NFKB2: variants seen among roughly 807,000 people sequenced by gnomAD.
NFKB2 encodes the protein nuclear factor NF-kappa-B p100 subunit.
NFKB2 carries 21 observed loss-of-function variants against 109.3 expected under a neutral mutation model. That is an observed-to-expected ratio of 0.19 (90% CI 0.14 to 0.28). NFKB2 has a LOEUF of 0.28. Ranked by LOEUF, NFKB2 falls within the 10% of genes least tolerant of loss-of-function variation. The pLI is 1.00. For missense variants in NFKB2, 806 were observed against 1,185.3 expected, an observed-to-expected ratio of 0.68 and a Z score of 4.70; for synonymous variants, 478 against 489.9, an observed-to-expected ratio of 0.98 and a Z score of 0.32.
In NFKB2 at chr10:102,396,417, ATCGTGGC is replaced by A; in HGVS notation, c.104-29_104-23del. 1 of 1,614,066 alleles carries A rather than the reference ATCGTGGC, an allele frequency of 6.2e-7. No homozygotes were observed. The highest frequency in any genetic ancestry group is 8.5e-7 in the Non-Finnish European group (1 of 1,179,992). On this transcript the variant is annotated intron_variant, in intron 3 of 22. Coordinates refer to ENST00000661543, the MANE Select transcript of NFKB2 (RefSeq NM_001322934.2). This position sits in a 1 kb window ranked among gnomAD's most constrained non-coding sequence, Gnocchi z 5.9. Reference sequence around the variant, plus strand: ...CTCTCTCTGGGGGAGGGGCTGGGAGATCGTGGCTCAGCAAGGTCTCTCTGTCCCCAGC... The same window carrying A: ...CTCTCTCTGGGGGAGGGGCTGGGAGATCAGCAAGGTCTCTCTGTCCCCAGC...
chr10:102,395,792 A>C lies in NFKB2; in HGVS notation c.-77A>C. 1 of 668,786 alleles carries C rather than the reference A, an allele frequency of 1.5e-6. No homozygotes were observed. The highest frequency in any genetic ancestry group is 2.6e-6 in the Non-Finnish European group (1 of 389,110). 41.4% of individuals were successfully genotyped at this position (668,786 alleles called of 1,614,324 possible). ...CCGCCACACCCGGACAGGCGGCTGGAGGAGGTCGGACCCTCCCCCAAATCT... is the reference window on the plus strand; with the variant it reads ...CCGCCACACCCGGACAGGCGGCTGGCGGAGGTCGGACCCTCCCCCAAATCT... On this transcript the variant is annotated 5_prime_UTR_variant, in exon 1 of 23. Coordinates refer to ENST00000661543, the MANE Select transcript of NFKB2 (RefSeq NM_001322934.2).
rs757088566 is a variant in NFKB2 at position 102,400,310 on chromosome 10, G to A, written c.1617G>A (p.Gln539=). The change falls in exon 16 of 23, where the codon CAG becomes CAA. Residue 539 remains glutamine, a synonymous_variant. Coordinates refer to ENST00000661543, the MANE Select transcript of NFKB2 (RefSeq NM_001322934.2). This position sits in a 1 kb window ranked among gnomAD's most constrained non-coding sequence, Gnocchi z 6.3. ...TPLHLAVITG[Q]TSVVSFLLRV... Reference sequence around the variant, plus strand: ...TGCACCTGGCGGTGATCACGGGGCAGACGAGTGTGGTGAGCTTTCTGCTGC... The same window carrying A: ...TGCACCTGGCGGTGATCACGGGGCAAACGAGTGTGGTGAGCTTTCTGCTGC... 2.5e-6 allele frequency: 4 copies of A among 1,614,012 alleles called. No homozygotes were observed. In the South Asian group the frequency reaches 4.4e-5, roughly 18 times the overall value.
At chr10:102,399,995 C>T (rs1189425285) in intron 14 of NFKB2, 85 bp from the exon 15 acceptor site, 5 of 1,387,158 alleles carry the variant, frequency 3.6e-6, no homozygotes, top group South Asian at 1.2e-5. Context: ...TGGGCCCCAG[C>T]GAGGGAGACT....
In NFKB2 at chr10:102,401,065, AG is replaced by A. The variant is rs1207181524; in HGVS notation, c.2071+20del. 1 of 1,613,964 alleles carries A rather than the reference AG, an allele frequency of 6.2e-7. No individual in the cohort carries two copies. The stretch of plus-strand genomic sequence containing the variant: ...CTGAAGGCTGGTCAGTCTCACCCTC[AG>A]GGGCACTTGAACAGGGTGGGGGGAA... On this transcript the variant is annotated intron_variant, in intron 18 of 22. Coordinates refer to ENST00000661543, the MANE Select transcript of NFKB2 (RefSeq NM_001322934.2). This position sits in a 1 kb window ranked among gnomAD's most constrained non-coding sequence, Gnocchi z 4.2.
rs776988623 is a variant in NFKB2 at position 102,399,512 on chromosome 10, G to A, written c.1327+15G>A. On this transcript the variant is annotated intron_variant, in intron 13 of 22. Coordinates refer to ENST00000661543, the MANE Select transcript of NFKB2 (RefSeq NM_001322934.2). Reference sequence around the variant, plus strand: ...GCTGCAGCGAGGTATGGACTCCGGGGCACGGGCGGTCGGGGCGCCGGGGCT... The same window carrying A: ...GCTGCAGCGAGGTATGGACTCCGGGACACGGGCGGTCGGGGCGCCGGGGCT... The A allele has an allele frequency of 9.3e-6, 14 of 1,500,970 alleles. No individual in the cohort carries two copies. The South Asian group carries it at 1.5e-4, about 16-fold the overall frequency. 93.0% of individuals were successfully genotyped at this position (1,500,970 alleles called of 1,614,324 possible). A position where few individuals can be genotyped will look rare whatever the true frequency, so the allele number is the denominator to read the frequency against.
chr10:102,399,313 C>T lies in NFKB2; in HGVS notation c.1143C>T (p.Ser381=), dbSNP rs2061175943. 1 of 1,598,204 alleles carries T rather than the reference C, an allele frequency of 6.3e-7. No homozygotes were observed. The highest frequency in any genetic ancestry group is 8.5e-7 in the Non-Finnish European group (1 of 1,173,022). The change falls in exon 13 of 23, where the codon TCC becomes TCT. Residue 381 remains serine, a synonymous_variant. Transcript: ENST00000661543. The part of the protein sequence containing the change: ...GGGGSLGFFP[S]SLAYSPYQSG... ...GTGGCAGCCTCGGTTTCTTCCCCTC[C>T]TCCCTGGCCTACAGCCCCTACCAGT...
chr10:102,395,950 G>T lies in NFKB2; in HGVS notation c.-10G>T, dbSNP rs748741723. On this transcript the variant is annotated 5_prime_UTR_variant, in exon 2 of 23. Transcript: ENST00000661543. ...GAGCCACTAGACAGAGCCGGGCCTA[G>T]CCCAGAGACATGGAGAGTTGCTACA... 2.1e-5 allele frequency: 34 copies of T among 1,612,732 alleles called. No individual in the cohort carries two copies. Among genetic ancestry groups the T allele is most frequent in the Admixed American group, 1.3e-4 (8 of 60,004 alleles).
At position 102,398,963 on chromosome 10, in the gene NFKB2, A is replaced by G; in HGVS notation, c.1117+99A>G. Reference sequence around the variant, plus strand: ...GCGTGGTGGCTCACGCCTGTAATCCAGCCCTTTGGGAGGCCAAGGCAGGCA... The same window carrying G: ...GCGTGGTGGCTCACGCCTGTAATCCGGCCCTTTGGGAGGCCAAGGCAGGCA... On this transcript the variant is annotated intron_variant, in intron 12 of 22. Coordinates refer to ENST00000661543, the MANE Select transcript of NFKB2 (RefSeq NM_001322934.2). The surrounding 1 kb of genome is among the most constrained non-coding windows in gnomAD (Gnocchi z 6.6). 3 of 1,361,532 alleles carry G rather than the reference A, an allele frequency of 2.2e-6. No homozygotes were observed. Among genetic ancestry groups the G allele is most frequent in the Non-Finnish European group, 3.0e-6 (3 of 1,001,424 alleles). The allele number at this position is 1,361,532 out of a possible 1,614,324, so 84.3% of individuals were successfully genotyped here.
rs1281477332 is a variant in NFKB2 at position 102,399,621 on chromosome 10, G to A, written c.1372G>A (p.Ala458Thr). 2.6e-6 allele frequency: 4 copies of A among 1,545,864 alleles called. No individual in the cohort carries two copies. Among genetic ancestry groups the A allele is most frequent in the African/African-American group, 1.4e-5 (1 of 72,754 alleles). The change falls in exon 14 of 23, where the codon GCC becomes ACC. Residue 458 changes from alanine to threonine, a missense_variant. Ala to Thr is a moderately conservative substitution (Grantham distance 58, BLOSUM62 0). Around this residue, in one of 10 missense-constraint regions of NFKB2, gnomAD observed 209 missense variants for 211.9 expected, o/e 0.99. Coordinates refer to ENST00000661543, the MANE Select transcript of NFKB2 (RefSeq NM_001322934.2). ...CCTGTTCGGCCTGGCGCAGCGCAGC[G>A]CCCGAGCCCTACTCGACTACGGCGT... ...ARLFGLAQRS[A>T]RALLDYGVTA... is the part of the protein sequence containing the mutation.
At position 102,401,655 on chromosome 10, in the gene NFKB2, C is replaced by CT. The variant is rs1451756553; in HGVS notation, c.2294-88dup. 6.5e-7 allele frequency: 1 copy of CT among 1,536,066 alleles called. No individual in the cohort carries two copies. Among genetic ancestry groups the CT allele is most frequent in the African/African-American group, 1.4e-5 (1 of 73,264 alleles). ...TCACCCCTCATGGTCCTGTCTGTCG[C>CT]TTACCTTGGGAGAAAGGCAGTGTTC... On this transcript the variant is annotated intron_variant, in intron 20 of 22. Transcript: ENST00000661543. This position sits in a 1 kb window ranked among gnomAD's most constrained non-coding sequence, Gnocchi z 4.2.
rs923682511 is a variant in NFKB2 at position 102,396,651 on chromosome 10, A to G, written c.145-74A>G. ...TGCTGTAGTTTGGTTCAGGGCTACT[A>G]CCAGGCACTGCGGTCACTGCTGGCC... On this transcript the variant is annotated intron_variant, in intron 4 of 22. Transcript: ENST00000661543. This position sits in a 1 kb window ranked among gnomAD's most constrained non-coding sequence, Gnocchi z 5.9. 1 of 1,555,874 alleles carries G rather than the reference A, an allele frequency of 6.4e-7. No homozygotes were observed. Among genetic ancestry groups the G allele is most frequent in the Non-Finnish European group, 8.9e-7 (1 of 1,128,848 alleles).
intron 14 of NFKB2, 175 bp from the exon 15 acceptor site, chr10:102,399,905 T>A (rs2061197749): frequency 1.9e-6 from 2 of 1,067,270 alleles, no homozygotes; most frequent in Non-Finnish European, 2.7e-6. Flanking sequence ...GGTACAGTCA[T>A]AGCACTTACC....
Position 102,402,293 on chromosome 10 carries a change from G to C in NFKB2, c.2620G>C (p.Glu874Gln). The C allele has an allele frequency of 4.5e-6, 7 of 1,561,230 alleles. No individual in the cohort carries two copies. The highest frequency in any genetic ancestry group is 5.2e-6 in the Non-Finnish European group (6 of 1,152,466). ...CAGTGCGTACGGGAGCCAGTCAGTGGAGCAGGAGGCAGAGAAGCTGGGCCC... is the reference window on the plus strand; with the variant it reads ...CAGTGCGTACGGGAGCCAGTCAGTGCAGCAGGAGGCAGAGAAGCTGGGCCC... ...EDSAYGSQSV[E>Q]QEAEKLGPPP... The change falls in exon 23 of 23, where the codon GAG (glutamate) becomes CAG (glutamine). Residue 874 changes from glutamate to glutamine, a missense_variant. Physicochemically the swap from Glu to Gln is conservative, Grantham distance 29. Transcript: ENST00000661543.
chr10:102,401,621 C>A lies in NFKB2; in HGVS notation c.2293+103C>A. On this transcript the variant is annotated intron_variant, in intron 20 of 22. Coordinates refer to ENST00000661543, the MANE Select transcript of NFKB2 (RefSeq NM_001322934.2). The surrounding 1 kb of genome is among the most constrained non-coding windows in gnomAD (Gnocchi z 4.2). ...GAGGCCTCCCTTTCTCTACCCTCAGCCCCGTCCATCACCCCTCATGGTCCT... is the reference window on the plus strand; with the variant it reads ...GAGGCCTCCCTTTCTCTACCCTCAGACCCGTCCATCACCCCTCATGGTCCT... The A allele has an allele frequency of 6.6e-7, 1 of 1,522,096 alleles. No homozygotes were observed. Among genetic ancestry groups the A allele is most frequent in the Non-Finnish European group, 9.0e-7 (1 of 1,116,094 alleles). The allele number at this position is 1,522,096 out of a possible 1,614,324, so 94.3% of individuals were successfully genotyped here.
In NFKB2 at chr10:102,398,948, T is replaced by G; in HGVS notation, c.1117+84T>G. On this transcript the variant is annotated intron_variant, in intron 12 of 22. Transcript: ENST00000661543. This position sits in a 1 kb window ranked among gnomAD's most constrained non-coding sequence, Gnocchi z 6.6. ...TCTGGGGGAGGCCGGGCGTGGTGGC[T>G]CACGCCTGTAATCCAGCCCTTTGGG... 7.0e-7 allele frequency: 1 copy of G among 1,427,588 alleles called. No individual in the cohort carries two copies. Among genetic ancestry groups the G allele is most frequent in the East Asian group, 2.4e-5 (1 of 42,534 alleles). The allele number at this position is 1,427,588 out of a possible 1,614,324, so 88.4% of individuals were successfully genotyped here. A position where few individuals can be genotyped will look rare whatever the true frequency, so the allele number is the denominator to read the frequency against.
At position 102,402,164 on chromosome 10, in the gene NFKB2, A is replaced by G; in HGVS notation, c.2578+5A>G. The G allele has an allele frequency of 6.4e-7, 1 of 1,566,246 alleles. No homozygotes were observed. On this transcript the variant is annotated splice_donor_5th_base_variant and intron_variant, in intron 22 of 22. Coordinates refer to ENST00000661543, the MANE Select transcript of NFKB2 (RefSeq NM_001322934.2). ...GAGACAAGCTGCCCAGCACAGGTAA[A>G]GGGGCCTCCCTGGAAGGTGGATCTG...
Position 102,399,376 on chromosome 10 carries a change from G to A in NFKB2, c.1206G>A (p.Gly402=). ...CCATGGGCTGCTACCCGGGAGGCGGGGGCGGGGCGCAGATGGCCGCCACGG... is the reference window on the plus strand; with the variant it reads ...CCATGGGCTGCTACCCGGGAGGCGGAGGCGGGGCGCAGATGGCCGCCACGG... ...AGPMGCYPGG[G]GGAQMAATVP... is the part of the protein sequence containing the mutation. Residue 402 remains glycine (G), a synonymous_variant, in exon 13 of 23, where the codon GGG becomes GGA. Transcript: ENST00000661543. 6.5e-7 allele frequency: 1 copy of A among 1,546,954 alleles called. No individual in the cohort carries two copies. The highest frequency in any genetic ancestry group is 8.7e-7 in the Non-Finnish European group (1 of 1,146,986).
chr10:102,398,162 C>T lies in NFKB2; in HGVS notation c.767-50C>T. On this transcript the variant is annotated intron_variant, in intron 9 of 22. Coordinates refer to ENST00000661543, the MANE Select transcript of NFKB2 (RefSeq NM_001322934.2). This position sits in a 1 kb window ranked among gnomAD's most constrained non-coding sequence, Gnocchi z 6.6. ...GCCAGGGAAGCTCTAGGGTAAATGG[C>T]CCCAGAGATTCCACCGGGAGCTGTG... 1 of 1,612,484 alleles carries T rather than the reference C, an allele frequency of 6.2e-7. No homozygotes were observed. Among genetic ancestry groups the T allele is most frequent in the Non-Finnish European group, 8.5e-7 (1 of 1,178,546 alleles).
Position 102,401,597 on chromosome 10 carries a change from A to C in NFKB2, c.2293+79A>C. ...TCTTCTCCTTCAGGACCTCTGAAGG[A>C]GGCCTCCCTTTCTCTACCCTCAGCC... On this transcript the variant is annotated intron_variant, in intron 20 of 22. Coordinates refer to ENST00000661543, the MANE Select transcript of NFKB2 (RefSeq NM_001322934.2). The surrounding 1 kb of genome is among the most constrained non-coding windows in gnomAD (Gnocchi z 4.2). The C allele has an allele frequency of 6.4e-7, 1 of 1,557,610 alleles. No homozygotes were observed. Among genetic ancestry groups the C allele is most frequent in the Non-Finnish European group, 8.8e-7 (1 of 1,139,438 alleles).
Sources: gnomAD v4.1 joint callset for allele counts on GRCh38, gnomAD v4.1.1 for gene constraint, gnomAD v4.1.1 regional missense constraint, Gnocchi (gnomAD v3.1) non-coding constraint, MANE v1.5 for transcripts, NCBI Gene and HGNC (gene_info 2026-07-23, HGNC 2026-07-21) for gene names.